NPAS3: variants seen among roughly 807,000 people sequenced by gnomAD.
The protein encoded by NPAS3 is neuronal PAS domain protein 3, also known as neuronal PAS domain-containing protein 3.
NPAS3 carries 14 observed loss-of-function variants against 73.1 expected under a neutral mutation model. That is an observed-to-expected ratio of 0.19 (90% CI 0.13 to 0.30). NPAS3 has a LOEUF of 0.30. NPAS3 is among the 10% of genes least tolerant of loss of function. The pLI is 1.00. For missense variants in NPAS3, 1,096 were observed against 1,250.0 expected (o/e 0.88, Z 1.86); for synonymous variants, 620 against 541.5 (o/e 1.14, Z -2.01).
intron 6 of NPAS3, among the ~76,000 whole-genome samples, chr14:33,719,667 G>C (rs1469116847): frequency 6.6e-6 from 1 of 152,140 alleles, no homozygotes; most frequent in Non-Finnish European, 1.5e-5. Context: ...AACAAACCTG[G>C]TTCCAAGCCC....
chr14:33,179,307 T>C (rs1184665959), intron 2 of NPAS3, among the ~76,000 whole-genome samples: 2 of 152,216 alleles, frequency 1.3e-5, no homozygotes, highest in Non-Finnish European at 2.9e-5. Flanking sequence ...CATTTGAGTC[T>C]GAACTATTTG....
At chr14:33,552,794 G>T (rs974781483) in intron 4 of NPAS3, among the ~76,000 whole-genome samples, 11 of 152,014 alleles carry the variant, frequency 7.2e-5, no homozygotes, top group Non-Finnish European at 8.8e-5. Context: ...GCAATGTATT[G>T]TTTATATTAC....
intron 5 of NPAS3, among the ~76,000 whole-genome samples, chr14:33,642,825 G>A (rs939608486): frequency 3.9e-5 from 6 of 152,236 alleles, no homozygotes; most frequent in South Asian, 4.2e-4. Flanking sequence ...CCAAATGGCC[G>A]GGATGGATGG....
At chr14:33,265,563 G>A (rs2049140451) in intron 3 of NPAS3, among the ~76,000 whole-genome samples, 2 of 152,052 alleles carry the variant, frequency 1.3e-5, no homozygotes, top group Non-Finnish European at 2.9e-5. Flanking sequence ...ATTAGGCTCT[G>A]TCTTATGGGC....
At chr14:33,072,971 AT>A (rs146054778) in intron 2 of NPAS3, among the ~76,000 whole-genome samples, 601 of 152,250 alleles carry the variant, frequency 3.9e-3, no homozygotes, top group African/African-American at 0.014. Context: ...CTTAAAAAAA[AT>A]TTTTTTACTT....
At chr14:33,179,149 AATCCTACTTGGT>A (rs2045704972) in intron 2 of NPAS3, among the ~76,000 whole-genome samples, 1 of 152,138 alleles carries the variant, frequency 6.6e-6, no homozygotes, top group South Asian at 2.1e-4. Context: ...TACTGGGATA[AATCCTACTTGGT>A]CTAATTATGT....
At chr14:33,245,771 C>T (rs994689252) in intron 3 of NPAS3, among the ~76,000 whole-genome samples, 2 of 152,098 alleles carry the variant, frequency 1.3e-5, no homozygotes, top group African/African-American at 2.4e-5. Context: ...GGTTGTCTGT[C>T]AAACATTTCC....
At chr14:33,504,406 G>C (rs1052428967) in intron 4 of NPAS3, among the ~76,000 whole-genome samples, 3 of 151,990 alleles carry the variant, frequency 2.0e-5, no homozygotes, top group African/African-American at 7.2e-5. Context: ...GCTGGCATGA[G>C]CTTTAAGAAA....
intron 1 of NPAS3, among the ~76,000 whole-genome samples, chr14:33,011,806 T>A (rs1159171364): frequency 6.6e-6 from 1 of 152,216 alleles, no homozygotes; most frequent in Non-Finnish European, 1.5e-5. Context: ...TGGTGTTGCT[T>A]CTAATTGCAG....
At chr14:33,194,306 T>A (rs1376622041) in intron 2 of NPAS3, among the ~76,000 whole-genome samples, 1 of 152,206 alleles carries the variant, frequency 6.6e-6, no homozygotes, top group South Asian at 2.1e-4. Context: ...GTGCTTCCTT[T>A]TCTTTTGTAC....
At chr14:32,983,717 T>A (rs553018918) in intron 1 of NPAS3, among the ~76,000 whole-genome samples, 1 of 151,920 alleles carries the variant, frequency 6.6e-6, no homozygotes, top group East Asian at 1.9e-4. Flanking sequence ...GAAATAGAAT[T>A]ATTATTATTA....
chr14:33,305,408 GA>G (rs1001675775), intron 3 of NPAS3, among the ~76,000 whole-genome samples: 2 of 152,024 alleles, frequency 1.3e-5, no homozygotes, highest in African/African-American at 4.8e-5. Context: ...TTTTCATCTA[GA>G]TAGGACATTC....
At chr14:33,185,263 C>A (rs572719374) in intron 2 of NPAS3, among the ~76,000 whole-genome samples, 5 of 152,242 alleles carry the variant, frequency 3.3e-5, no homozygotes, top group East Asian at 1.9e-4. Context: ...TTTCTTATCC[C>A]ATATTTGTGG....
intron 3 of NPAS3, among the ~76,000 whole-genome samples, chr14:33,316,058 G>A (rs2043197184): frequency 6.6e-6 from 1 of 152,076 alleles, no homozygotes; most frequent in South Asian, 2.1e-4. Flanking sequence ...GTTCCTGTGA[G>A]AAATTATCTT....
chr14:33,477,497 C>A (rs545710596), intron 4 of NPAS3, among the ~76,000 whole-genome samples: 1 of 152,062 alleles, frequency 6.6e-6, no homozygotes, highest in Non-Finnish European at 1.5e-5. Context: ...ACATACAACA[C>A]GCTCATTCAC....
At chr14:33,647,734 C>G (rs2058874347) in intron 5 of NPAS3, among the ~76,000 whole-genome samples, 1 of 152,100 alleles carries the variant, frequency 6.6e-6, no homozygotes, top group Non-Finnish European at 1.5e-5. Flanking sequence ...AGTCCTGAAT[C>G]ACAAAATCTC....
rs576500949 is a variant in NPAS3 at position 33,682,989 on chromosome 14, C to A, written c.733+6604C>A. Among the ~76,000 whole-genome samples the A allele has an allele frequency of 2.6e-5, 4 of 152,268 alleles. No individual in the cohort carries two copies. In the South Asian group the frequency reaches 6.2e-4, roughly 24 times the overall value. ...GACGCAACTAGCTACAGAAGGGCGG[C>A]CTCCCTTTTGTTCCCAGAGAAGATG... On this transcript the variant is annotated intron_variant, in intron 6 of 11. Transcript: ENST00000356141.
At chr14:33,471,869 C>A (rs561430982) in intron 4 of NPAS3, among the ~76,000 whole-genome samples, 1 of 152,318 alleles carries the variant, frequency 6.6e-6, no homozygotes, top group South Asian at 2.1e-4. Flanking sequence ...TACAGCCGCT[C>A]CCTATCACTC....
exon 12 of NPAS3, chr14:33,801,001 C>A (rs761561551): frequency 3.8e-6 from 6 of 1,588,036 alleles, no homozygotes; most frequent in Non-Finnish European, 4.3e-6. Flanking sequence ...CGCAGATGCC[C>A]GCCGGCAACG....
Sources: allele counts gnomAD v4.1 joint callset (sites outside exome capture counted in the v4.1 genomes callset), GRCh38; gene constraint gnomAD v4.1.1; transcripts MANE v1.5; gene names NCBI Gene and HGNC (gene_info 2026-07-23, HGNC 2026-07-21).